The following WARS1 variants were observed in gnomAD, a reference collection of about 807,000 sequenced individuals.
WARS1 encodes tryptophanyl-tRNA synthetase 1, also known as tryptophan--tRNA ligase, cytoplasmic.
WARS1 carries 17 observed loss-of-function variants against 47.8 expected under a neutral mutation model. The ratio of observed to expected loss-of-function variants is 0.36; its 90% CI spans 0.24 to 0.53. The LOEUF (loss-of-function observed/expected upper bound fraction) is 0.53, where lower values mean the gene tolerates loss of function less well. WARS1 is among the 20% of genes least tolerant of loss of function. The pLI, the probability that WARS1 is intolerant of heterozygous loss-of-function variation, is 0.91. For synonymous variants in WARS1, 208 were observed against 228.1 expected, an observed-to-expected ratio of 0.91 and a Z score of 0.79; for missense variants, 434 against 608.0, an observed-to-expected ratio of 0.71 and a Z score of 3.01.
In WARS1 at chr14:100,363,115, T is replaced by C. The variant is rs374431093; in HGVS notation, c.100-1194A>G. ...GTACTTGCAAAAAATAACAGTTTAG[T>C]ACGTATAATCTATCCAATTATCTAT... On this transcript the variant is annotated intron_variant, in intron 2 of 10. Transcript: ENST00000392882. 3.3e-5 allele frequency among the ~76,000 whole-genome samples: 5 copies of C among 152,326 alleles called. No homozygotes were observed. In the East Asian group the frequency reaches 9.6e-4, roughly 29 times the overall value.
chr14:100,373,019 C>T lies in WARS1; in HGVS notation c.-74+2264G>A, dbSNP rs922284325. Among the ~76,000 whole-genome samples, 1 of 152,208 alleles carries T rather than the reference C, an allele frequency of 6.6e-6. No homozygotes were observed. Among genetic ancestry groups the T allele is most frequent in the African/African-American group, 2.4e-5 (1 of 41,460 alleles). On this transcript the variant is annotated intron_variant, in intron 1 of 10. Coordinates refer to ENST00000392882, the MANE Select transcript of WARS1 (RefSeq NM_004184.4). This position sits in a 1 kb window ranked among gnomAD's most constrained non-coding sequence, Gnocchi z 4.4. Reference sequence around the variant, plus strand: ...AGTTGGTTGCTCCATCCTTTGTGATCCCCAAACACTCCTTTAGTAACTTTA... The same window carrying T: ...AGTTGGTTGCTCCATCCTTTGTGATTCCCAAACACTCCTTTAGTAACTTTA...
intron 4 of WARS1, among the ~76,000 whole-genome samples, chr14:100,359,933 C>T (rs934562205): frequency 6.6e-5 from 10 of 152,102 alleles, no homozygotes; most frequent in African/African-American, 2.2e-4. Context: ...GCGTGAAGTG[C>T]CAGTAGAACA....
At chr14:100,366,699 A>G in intron 2 of WARS1, 1 of 792,856 alleles carries the variant, frequency 1.3e-6, no homozygotes, top group Non-Finnish European at 2.3e-6. Context: ...CGGAAGACAG[A>G]AGGGACACCA....
intron 3 of WARS1, 30 bp downstream of exon 3, chr14:100,361,678 C>T: frequency 6.2e-7 from 1 of 1,602,942 alleles, no homozygotes; most frequent in Non-Finnish European, 8.5e-7. Context: ...AAAGTTGCAG[C>T]TTTTTCTGGG....
intron 6 of WARS1, among the ~76,000 whole-genome samples, chr14:100,348,439 TG>T (rs1555379980): frequency 3.3e-5 from 5 of 152,032 alleles, no homozygotes; most frequent in Non-Finnish European, 7.4e-5. Flanking sequence ...TTTCAGGCCC[TG>T]GGGGGCACTG....
chr14:100,354,948 C>T (rs1895217031), intron 4 of WARS1, among the ~76,000 whole-genome samples: 1 of 152,202 alleles, frequency 6.6e-6, no homozygotes. Context: ...CGAGGACTCT[C>T]AGACCAATAC....
intron 6 of WARS1, 130 bp from the exon 7 acceptor site, chr14:100,346,976 C>A: frequency 2.6e-6 from 2 of 759,960 alleles, no homozygotes; most frequent in Non-Finnish European, 4.5e-6. Flanking sequence ...GTGGTCAACA[C>A]GTAAGCACTG....
chr14:100,368,051 T>C (rs1425371359), intron 2 of WARS1, among the ~76,000 whole-genome samples: 1 of 152,064 alleles, frequency 6.6e-6, no homozygotes, highest in Non-Finnish European at 1.5e-5. Flanking sequence ...GACGCCAAGA[T>C]GGGCAGTGTA....
chr14:100,350,273 T>C (rs1894881869), intron 6 of WARS1, among the ~76,000 whole-genome samples: 1 of 151,816 alleles, frequency 6.6e-6, no homozygotes, highest in South Asian at 2.1e-4. Context: ...GCGCCTGTAA[T>C]CCCAGCTACT....
At chr14:100,337,786 A>G (rs1893851052) in intron 9 of WARS1, among the ~76,000 whole-genome samples, 1 of 151,554 alleles carries the variant, frequency 6.6e-6, no homozygotes, top group Non-Finnish European at 1.5e-5. Flanking sequence ...CAGACTCAGG[A>G]GTTTGAGGTT....
At chr14:100,360,785 C>A (rs1174301035) in intron 3 of WARS1, 123 bp from the exon 4 acceptor site, 8 of 622,696 alleles carry the variant, frequency 1.3e-5, no homozygotes, top group Non-Finnish European at 2.2e-5. Context: ...CCTCTTTAGG[C>A]CTTCTGCTAA....
intron 9 of WARS1, chr14:100,340,112 C>T (rs1894061537): frequency 6.6e-6 from 1 of 152,326 alleles, no homozygotes; most frequent in African/African-American, 2.4e-5. Context: ...CCATATGTGA[C>T]AGGGATTGGC....
Position 100,353,824 on chromosome 14 carries a change from C to T in WARS1, c.588G>A (p.Thr196=), listed in dbSNP as rs756385226. 152 of 1,613,996 alleles carry T rather than the reference C, an allele frequency of 9.4e-5. No homozygotes were observed. The highest frequency in any genetic ancestry group is 3.3e-4 in the Middle Eastern group (2 of 6,084). Residue 196 remains threonine, a synonymous_variant, in exon 6 of 11, where the codon ACG becomes ACA. Coordinates refer to ENST00000392882, the MANE Select transcript of WARS1 (RefSeq NM_004184.4). ...CCTTCCACAGATACTTCTCGTCATC[C>T]GTCATCTGGATGACCAAGGGCACGT... ...VFNVPLVIQM[T]DDEKYLWKDL...
chr14:100,359,439 C>T (rs10438232), intron 4 of WARS1, among the ~76,000 whole-genome samples: 104,094 of 152,104 alleles, frequency 0.68, 36,818 homozygotes, highest in Admixed American at 0.81. Flanking sequence ...GTTACATGAT[C>T]CCATTTATAT....
chr14:100,344,186 C>G (rs1894371057), intron 7 of WARS1, among the ~76,000 whole-genome samples: 1 of 151,924 alleles, frequency 6.6e-6, no homozygotes, highest in African/African-American at 2.4e-5. Flanking sequence ...CTCCCTGCCT[C>G]ATTCTCCTGC....
chr14:100,360,904 C>T (rs1397707037), intron 3 of WARS1, among the ~76,000 whole-genome samples: 2 of 152,090 alleles, frequency 1.3e-5, no homozygotes, highest in Non-Finnish European at 1.5e-5. Flanking sequence ...TGCTGTTTTG[C>T]CTGAGACTGG....
intron 6 of WARS1, among the ~76,000 whole-genome samples, chr14:100,347,911 T>C (rs1894732219): frequency 6.6e-6 from 1 of 152,162 alleles, no homozygotes; most frequent in African/African-American, 2.4e-5. Flanking sequence ...TGTATTACTA[T>C]ATTCAGTAGC....
At chr14:100,349,525 C>T (rs893250455) in intron 6 of WARS1, among the ~76,000 whole-genome samples, 2 of 152,194 alleles carry the variant, frequency 1.3e-5, no homozygotes, top group Admixed American at 6.5e-5. Context: ...GGCCACACAG[C>T]GGACGGCCGT....
At position 100,342,589 on chromosome 14, in the gene WARS1, A is replaced by C. The variant is rs754147907; in HGVS notation, c.940-18T>G. 6.3e-7 allele frequency: 1 copy of C among 1,595,732 alleles called. No individual in the cohort carries two copies. Among genetic ancestry groups the C allele is most frequent in the South Asian group, 1.1e-5 (1 of 89,720 alleles). On this transcript the variant is annotated intron_variant, in intron 8 of 10. Coordinates refer to ENST00000392882, the MANE Select transcript of WARS1 (RefSeq NM_004184.4). Reference sequence around the variant, plus strand: ...TAAGGATCCTGTGGGGAGAGTAAGGACCCTGATGAGGGCGGCCAGAAAACA... The same window carrying C: ...TAAGGATCCTGTGGGGAGAGTAAGGCCCCTGATGAGGGCGGCCAGAAAACA...
Sources: gnomAD v4.1 joint callset for allele counts (sites outside exome capture counted in the v4.1 genomes callset) on GRCh38, gnomAD v4.1.1 for gene constraint, Gnocchi (gnomAD v3.1) non-coding constraint, MANE v1.5 for transcripts, NCBI Gene and HGNC (gene_info 2026-07-23, HGNC 2026-07-21) for gene names.